The following COMMD1 variants were observed in gnomAD, a reference collection of about 807,000 sequenced individuals.
COMMD1 encodes the protein copper metabolism domain containing 1, also known as COMM domain-containing protein 1.
COMMD1 carries 10 observed loss-of-function variants against 17.2 expected under a neutral mutation model. The observed-to-expected ratio is 0.58, with a 90% confidence interval of 0.36 to 0.99. The LOEUF is 0.99. COMMD1 is among the 50% of genes least tolerant of loss of function. The pLI, the probability that COMMD1 is intolerant of heterozygous loss-of-function variation, is 0.01. For missense variants in COMMD1, 270 were observed against 231.8 expected, an observed-to-expected ratio of 1.17 and a Z score of -1.07; for synonymous variants, 97 against 91.6, an observed-to-expected ratio of 1.06 and a Z score of -0.34.
intron 2 of COMMD1, among the ~76,000 whole-genome samples, chr2:62,123,530 AAAAC>A (rs1672807335): frequency 1.3e-5 from 2 of 150,890 alleles, no homozygotes; most frequent in Admixed American, 1.3e-4. Context: ...AAGAAAAAAA[AAAAC>A]AGGAAGGAAG....
At chr2:61,964,467 GC>G (rs1573008596) in intron 1 of COMMD1, among the ~76,000 whole-genome samples, 1 of 152,116 alleles carries the variant, frequency 6.6e-6, no homozygotes, top group East Asian at 1.9e-4. Context: ...GCCCCATTTG[GC>G]CTCCCAAAGT....
chr2:62,134,875 G>A (rs572871122), intron 2 of COMMD1, among the ~76,000 whole-genome samples: 43 of 152,258 alleles, frequency 2.8e-4, no homozygotes, highest in African/African-American at 1.0e-3. Flanking sequence ...AGGAGGGTTG[G>A]CTTGCAGCAA....
At chr2:62,066,752 G>A (rs1156470448) in intron 2 of COMMD1, among the ~76,000 whole-genome samples, 2 of 150,770 alleles carry the variant, frequency 1.3e-5, no homozygotes, top group Non-Finnish European at 2.9e-5. Context: ...TTGAGACACA[G>A]TCTTGCTCTG....
At chr2:62,121,343 C>G (rs902887892) in intron 2 of COMMD1, among the ~76,000 whole-genome samples, 1 of 128,266 alleles carries the variant, frequency 7.8e-6, no homozygotes, top group Non-Finnish European at 1.6e-5. Flanking sequence ...ACACTCCAAC[C>G]TGGGCAACAG....
chr2:62,114,892 G>A (rs1204417045), intron 2 of COMMD1, among the ~76,000 whole-genome samples: 2 of 152,212 alleles, frequency 1.3e-5, no homozygotes, highest in African/African-American at 2.4e-5. Flanking sequence ...GGCTGGCAGC[G>A]AGGTTCCTTG....
intron 2 of COMMD1, among the ~76,000 whole-genome samples, chr2:62,024,740 G>T (rs184483150): frequency 6.6e-6 from 1 of 152,176 alleles, no homozygotes; most frequent in East Asian, 1.9e-4. Context: ...TGCCTTATAA[G>T]ATTTTTTTTC....
intron 1 of COMMD1, among the ~76,000 whole-genome samples, chr2:61,922,145 A>AAACTT (rs1489269778): frequency 1.3e-5 from 2 of 152,190 alleles, no homozygotes; most frequent in East Asian, 3.8e-4. Flanking sequence ...TGATATTAGA[A>AAACTT]AACTTGGTGA....
rs531182890 is a variant in COMMD1 at position 61,985,500 on chromosome 2, C to T, written c.181-15201C>T. On this transcript the variant is annotated intron_variant, in intron 1 of 2. Transcript: ENST00000311832. The stretch of plus-strand genomic sequence containing the variant: ...TATTATTGATAAGTAAGGACTTACT[C>T]CTGCCACTTTGTTATTTGTTTTCTG... Among the ~76,000 whole-genome samples, 4 of 152,230 alleles carry T rather than the reference C, an allele frequency of 2.6e-5. No homozygotes were observed. In the South Asian group the frequency reaches 8.3e-4, roughly 32 times the overall value.
intron 1 of COMMD1, among the ~76,000 whole-genome samples, chr2:61,985,345 C>T (rs1327915114): frequency 1.6e-4 from 24 of 152,274 alleles, no homozygotes; most frequent in African/African-American, 4.6e-4. Context: ...CCACCGCACC[C>T]GGCCCTATGT....
At chr2:61,942,785 G>A (rs1204554295) in intron 1 of COMMD1, among the ~76,000 whole-genome samples, 2 of 151,304 alleles carry the variant, frequency 1.3e-5, no homozygotes, top group African/African-American at 4.9e-5. Flanking sequence ...TGATCTGCCC[G>A]CCTCAGCCTC....
intron 1 of COMMD1, among the ~76,000 whole-genome samples, chr2:61,896,819 C>CTTTTTTTTT (rs112184843): frequency 7.3e-6 from 1 of 137,190 alleles, no homozygotes; most frequent in Non-Finnish European, 1.6e-5. Flanking sequence ...TTTTCCTTTT[C>CTTTTTTTTT]TTTTTTTTTT....
intron 2 of COMMD1, among the ~76,000 whole-genome samples, chr2:62,068,701 T>C (rs1410050445): frequency 6.7e-6 from 1 of 149,516 alleles, no homozygotes; most frequent in Non-Finnish European, 1.5e-5. Flanking sequence ...CTCGGCTCAC[T>C]GTAACCTCCG....
chr2:62,098,817 C>T (rs192385135), intron 2 of COMMD1, among the ~76,000 whole-genome samples: 1 of 152,226 alleles, frequency 6.6e-6, no homozygotes, highest in East Asian at 1.9e-4. Context: ...CAATCTGCTA[C>T]TCTAAATCAT....
chr2:61,998,064 C>G (rs1450698893), intron 1 of COMMD1, among the ~76,000 whole-genome samples: 2 of 152,100 alleles, frequency 1.3e-5, no homozygotes, highest in African/African-American at 4.8e-5. Flanking sequence ...CCTCATGAAC[C>G]AACCTTGCTT....
intron 2 of COMMD1, among the ~76,000 whole-genome samples, chr2:62,116,557 A>T (rs979057539): frequency 1.3e-5 from 2 of 151,716 alleles, no homozygotes; most frequent in Non-Finnish European, 2.9e-5. Context: ...CTATAGTCCC[A>T]GCTACTTGGG....
At chr2:61,978,481 C>T (rs1404080982) in intron 1 of COMMD1, among the ~76,000 whole-genome samples, 1 of 152,080 alleles carries the variant, frequency 6.6e-6, no homozygotes, top group Non-Finnish European at 1.5e-5. Context: ...ACTTAATTAG[C>T]AATTTACTAA....
intron 1 of COMMD1, among the ~76,000 whole-genome samples, chr2:61,989,691 C>T (rs1672196086): frequency 6.6e-6 from 1 of 151,992 alleles, no homozygotes; most frequent in African/African-American, 2.4e-5. Context: ...TCGAAACTCC[C>T]AACCTCAAGT....
intron 2 of COMMD1, among the ~76,000 whole-genome samples, chr2:62,116,186 G>A (rs947816648): frequency 6.6e-6 from 1 of 152,044 alleles, no homozygotes; most frequent in African/African-American, 2.4e-5. Flanking sequence ...TATAACAACA[G>A]TATTTCAGAT....
chr2:61,975,836 G>A (rs564720902), intron 1 of COMMD1, among the ~76,000 whole-genome samples: 146 of 152,126 alleles, frequency 9.6e-4, no homozygotes, highest in Middle Eastern at 3.4e-3. Flanking sequence ...AGCATACTTC[G>A]TATAATTTCT....
Sources: gnomAD v4.1 joint callset for allele counts (sites outside exome capture counted in the v4.1 genomes callset) on GRCh38, gnomAD v4.1.1 for gene constraint, MANE v1.5 for transcripts, NCBI Gene and HGNC (gene_info 2026-07-23, HGNC 2026-07-21) for gene names.